The following SLIT3 variants were observed in gnomAD, a reference collection of about 807,000 sequenced individuals.
SLIT3 encodes the protein slit guidance ligand 3.
A neutral mutation model predicts 184.0 loss-of-function variants in SLIT3; 68 were observed. That is an observed-to-expected ratio of 0.37 (90% CI 0.30 to 0.45). SLIT3 has a LOEUF of 0.45. Among genes scored for constraint, SLIT3 ranks in the 20% least tolerant of loss-of-function variants. The probability of loss-of-function intolerance (pLI) is 1.00; values close to 1 mark genes in which losing one functional copy is unlikely to be tolerated. For missense variants in SLIT3, 1,707 were observed against 2,026.0 expected (o/e 0.84, Z 3.02); for synonymous variants, 831 against 828.6 (o/e 1.00, Z -0.05).
intron 5 of SLIT3, among the ~76,000 whole-genome samples, chr5:168,847,660 A>G (rs995226992): frequency 1.3e-5 from 2 of 152,224 alleles, no homozygotes; most frequent in African/African-American, 4.8e-5. Flanking sequence ...TCAGCGACAT[A>G]AAAGTTAGTC....
intron 4 of SLIT3, among the ~76,000 whole-genome samples, chr5:168,924,608 C>A (rs930278061): frequency 6.6e-6 from 1 of 152,090 alleles, no homozygotes; most frequent in Non-Finnish European, 1.5e-5. Flanking sequence ...CTCCCAGGCT[C>A]AAGCAATCCT....
chr5:169,143,624 A>G (rs1761819323), intron 4 of SLIT3, among the ~76,000 whole-genome samples: 1 of 152,128 alleles, frequency 6.6e-6, no homozygotes, highest in African/African-American at 2.4e-5. Flanking sequence ...CATGGCGAAA[A>G]CCCGTCTCTA....
At chr5:168,849,232 T>G (rs1473458935) in intron 5 of SLIT3, among the ~76,000 whole-genome samples, 1 of 152,222 alleles carries the variant, frequency 6.6e-6, no homozygotes, top group East Asian at 1.9e-4. Flanking sequence ...ATCCAGTTGT[T>G]CATTCCTCAT....
Position 169,293,165 on chromosome 5 carries a change from A to C in SLIT3, c.197+7348T>G, listed in dbSNP as rs1581146855. ...GGTGGTGAGAAACACCACAGCAATA[A>C]GACTTTTGAAAACCTGTCATTTGGA... On this transcript the variant is annotated intron_variant, in intron 1 of 35. Transcript: ENST00000519560. 3.3e-5 allele frequency among the ~76,000 whole-genome samples: 5 copies of C among 151,986 alleles called. 1 individual carries two copies. The highest frequency in any genetic ancestry group is 3.3e-4 in the Admixed American group (5 of 15,220).
At chr5:168,719,816 C>T (rs557447636) in intron 23 of SLIT3, 8 of 152,252 alleles carry the variant, frequency 5.3e-5, no homozygotes, top group Non-Finnish European at 1.2e-4. Context: ...ATGGTTGCTC[C>T]CCACTGAGGT....
chr5:168,760,839 C>T (rs371032675), intron 16 of SLIT3, 23 bp downstream of exon 16: 2 of 1,591,400 alleles, frequency 1.3e-6, no homozygotes, highest in South Asian at 2.2e-5. Context: ...GAGGCTGCTG[C>T]CAAGTTCCTG....
At chr5:168,967,435 A>ATTTTTTTTTT (rs556216624) in intron 4 of SLIT3, among the ~76,000 whole-genome samples, 6 of 30,756 alleles carry the variant, frequency 2.0e-4, no homozygotes, top group East Asian at 1.8e-3. Flanking sequence ...GCCATCTCAA[A>ATTTTTTTTTT]TCTTTTTTTT....
At chr5:168,928,356 C>T (rs116014950) in intron 4 of SLIT3, among the ~76,000 whole-genome samples, 2,091 of 152,214 alleles carry the variant, frequency 0.014, 60 homozygotes, top group East Asian at 0.13. Flanking sequence ...AATTTTAGAA[C>T]GTTCTTCTGT....
chr5:169,296,160 T>G (rs1036345379), intron 1 of SLIT3, among the ~76,000 whole-genome samples: 2 of 152,208 alleles, frequency 1.3e-5, no homozygotes, highest in Non-Finnish European at 2.9e-5. Flanking sequence ...AGAATGCAGA[T>G]CTATAATGGC....
At chr5:169,180,786 G>A (rs1027424224) in intron 4 of SLIT3, among the ~76,000 whole-genome samples, 1 of 152,100 alleles carries the variant, frequency 6.6e-6, no homozygotes, top group Admixed American at 6.5e-5. Flanking sequence ...CACACATAAG[G>A]GAAAAGGATC....
chr5:168,725,500 A>T (rs1763081808), intron 20 of SLIT3, among the ~76,000 whole-genome samples: 1 of 152,200 alleles, frequency 6.6e-6, no homozygotes, highest in African/African-American at 2.4e-5. Context: ...GGTGATCTAA[A>T]GCTCCCATAG....
At chr5:169,049,139 T>G (rs892328349) in intron 4 of SLIT3, among the ~76,000 whole-genome samples, 3 of 152,162 alleles carry the variant, frequency 2.0e-5, no homozygotes, top group Admixed American at 6.5e-5. Flanking sequence ...CACATGAGCT[T>G]TTTGGGGGCA....
chr5:169,014,259 TTTATACA>T (rs1174805190), intron 4 of SLIT3, among the ~76,000 whole-genome samples: 2 of 152,200 alleles, frequency 1.3e-5, no homozygotes, highest in African/African-American at 4.8e-5. Context: ...ATCACCTGCC[TTTATACA>T]TTATACATGT....
chr5:169,046,088 C>T (rs1350955531), intron 4 of SLIT3, among the ~76,000 whole-genome samples: 1 of 152,096 alleles, frequency 6.6e-6, no homozygotes, highest in African/African-American at 2.4e-5. Context: ...TGATGATGGA[C>T]AAAGAAGTAG....
In SLIT3 at chr5:168,671,436, G is replaced by A. The variant is rs552788824; in HGVS notation, c.3889C>T (p.Arg1297Trp). The A allele has an allele frequency of 5.6e-6, 9 of 1,613,514 alleles. No homozygotes were observed. Among genetic ancestry groups the A allele is most frequent in the South Asian group, 2.2e-5 (2 of 90,888 alleles). ...GLSALRQGTD[R>W]PLGGFHGCIH... ...CATCCGTGGAAGCCGCCTAGAGGCC[G>A]GTCCGTGCCCTGGCGCAAGGCAGAG... Residue 1297 changes from arginine (R) to tryptophan (W), a missense_variant, in exon 34 of 36, where the codon CGG (arginine) becomes TGG (tryptophan). Physicochemically the swap from Arg to Trp is moderately radical, Grantham distance 101 (BLOSUM62 -3). Transcript: ENST00000519560.
At chr5:169,086,660 T>A (rs994225835) in intron 4 of SLIT3, among the ~76,000 whole-genome samples, 11 of 152,346 alleles carry the variant, frequency 7.2e-5, no homozygotes, top group African/African-American at 2.6e-4. Flanking sequence ...ACCTCTTAAC[T>A]CCTGCTGGTG....
intron 4 of SLIT3, among the ~76,000 whole-genome samples, chr5:169,027,270 C>T (rs1756864948): frequency 1.3e-5 from 2 of 152,170 alleles, no homozygotes. Context: ...TCATTCCTAC[C>T]AAGGGCTTGG....
At chr5:168,775,226 C>T (rs113065366) in intron 12 of SLIT3, among the ~76,000 whole-genome samples, 9,018 of 151,806 alleles carry the variant, frequency 0.059, 288 homozygotes, top group Non-Finnish European at 0.074. Flanking sequence ...TTAGTAGAGA[C>T]GGGGTTTCAC....
intron 21 of SLIT3, among the ~76,000 whole-genome samples, chr5:168,723,737 T>G (rs1763017919): frequency 6.6e-6 from 1 of 152,212 alleles, no homozygotes; most frequent in Non-Finnish European, 1.5e-5. Context: ...TCCAGAGCTG[T>G]GGCAATGTTA....
Sources: gnomAD v4.1 joint callset for allele counts (sites outside exome capture counted in the v4.1 genomes callset) on GRCh38, gnomAD v4.1.1 for gene constraint, MANE v1.5 for transcripts, NCBI Gene and HGNC (gene_info 2026-07-23, HGNC 2026-07-21) for gene names.